The following COLEC10 variants were observed in gnomAD, a reference collection of about 807,000 sequenced individuals.
COLEC10 encodes the protein collectin-10.
COLEC10 carries 22 observed loss-of-function variants against 28.4 expected under a neutral mutation model. The observed-to-expected ratio is 0.78, with a 90% CI of 0.55 to 1.11. The LOEUF is 1.11. Ranked by LOEUF, COLEC10 falls within the 50% of genes least tolerant of loss-of-function variation. The probability of loss-of-function intolerance (pLI) is 0.00; values close to 1 mark genes in which losing one functional copy is unlikely to be tolerated. For missense variants in COLEC10, 361 were observed against 344.1 expected (o/e 1.05, Z -0.39); for synonymous variants, 125 against 116.1 (o/e 1.08, Z -0.49).
At chr8:118,962,259 C>T in the COLEC10 span, among the ~76,000 whole-genome samples, 1 of 152,208 alleles carries the variant, frequency 6.6e-6, no homozygotes, top group African/African-American at 2.4e-5. Context: ...ATTCTATAGA[C>T]TATTCCTGTG....
the COLEC10 span, among the ~76,000 whole-genome samples, chr8:118,961,647 G>C: frequency 7.2e-5 from 11 of 152,204 alleles, no homozygotes; most frequent in Non-Finnish European, 1.3e-4. Flanking sequence ...GGAGCAGGGA[G>C]AGTCTGACAC....
chr8:119,090,770 A>C (rs1194440953), intron 2 of COLEC10, among the ~76,000 whole-genome samples: 1 of 152,182 alleles, frequency 6.6e-6, no homozygotes, highest in African/African-American at 2.4e-5. Context: ...TTTAAAAGAG[A>C]GAAGAAATAG....
chr8:119,019,060 A>G, intron 2 of COLEC10, among the ~76,000 whole-genome samples: 1 of 152,182 alleles, frequency 6.6e-6, no homozygotes, highest in East Asian at 1.9e-4. Flanking sequence ...AGTTACCCGC[A>G]TCCAACAACT....
At chr8:119,072,249 G>T (rs998531419) in intron 1 of COLEC10, among the ~76,000 whole-genome samples, 2 of 151,638 alleles carry the variant, frequency 1.3e-5, no homozygotes, top group African/African-American at 4.9e-5. Flanking sequence ...GGGGTGACAG[G>T]AGCAAGATTG....
At chr8:119,049,984 G>A (rs1814649426) in intron 2 of COLEC10, among the ~76,000 whole-genome samples, 1 of 152,132 alleles carries the variant, frequency 6.6e-6, no homozygotes, top group African/African-American at 2.4e-5. Flanking sequence ...TCAGACTGAA[G>A]TTGATTGCCT....
chr8:118,953,177 C>T, the COLEC10 span, among the ~76,000 whole-genome samples: 8 of 152,280 alleles, frequency 5.3e-5, no homozygotes, highest in East Asian at 1.9e-4. Context: ...TTACAGAAGA[C>T]GGGGTGTCAT....
intron 1 of COLEC10, among the ~76,000 whole-genome samples, chr8:119,081,698 T>A (rs16891967): frequency 0.069 from 10,462 of 152,250 alleles, 1,170 homozygotes; most frequent in African/African-American, 0.24. Context: ...ATAAATTAAA[T>A]GAGCCATTTA....
At chr8:118,972,996 T>C in the COLEC10 span, among the ~76,000 whole-genome samples, 1 of 151,950 alleles carries the variant, frequency 6.6e-6, no homozygotes, top group Admixed American at 6.6e-5. Flanking sequence ...GAGAACTCAC[T>C]ATCAGAACAG....
intron 1 of COLEC10, among the ~76,000 whole-genome samples, chr8:119,077,470 G>A (rs1167298659): frequency 6.6e-6 from 1 of 152,074 alleles, no homozygotes; most frequent in Non-Finnish European, 1.5e-5. Flanking sequence ...CTTTATTAAT[G>A]GGAAGATAAT....
At chr8:119,058,681 A>AT (rs550835246) in intron 2 of COLEC10, among the ~76,000 whole-genome samples, 98 of 152,010 alleles carry the variant, frequency 6.4e-4, no homozygotes, top group Admixed American at 1.2e-3. Context: ...GGATGTTTGT[A>AT]TTTTTTCAAT....
Position 118,995,616 on chromosome 8 carries a change from A to C in COLEC10, n.122+43A>C, listed in dbSNP as rs562056219. ...AATAACTCTGGGCTCCTGGTGCATG[A>C]AACAATTTGTTTTCTACCAGAGTCT... On this transcript the variant is annotated intron_variant and non_coding_transcript_variant, in intron 1 of 6. Transcript: ENST00000521788. 10 of 152,242 alleles carry C rather than the reference A, an allele frequency of 6.6e-5. No individual in the cohort carries two copies. The East Asian group carries it at 1.4e-3, about 21-fold the overall frequency. The allele number at this position is 152,242 out of a possible 1,614,324, so 9.4% of individuals were successfully genotyped here.
At chr8:118,968,501 A>G in the COLEC10 span, among the ~76,000 whole-genome samples, 1 of 151,980 alleles carries the variant, frequency 6.6e-6, no homozygotes, top group Non-Finnish European at 1.5e-5. Flanking sequence ...GGCACTTTCC[A>G]TAGTCTCTAG....
chr8:119,089,748 A>T lies in COLEC10; in HGVS notation c.217A>T (p.Lys73Ter). Reference sequence around the variant, plus strand: ...TGGCAAAGTGGGACGCATGGGGCCGAAAGGTAACTAAAATGATGTGAAACT... The same window carrying T: ...TGGCAAAGTGGGACGCATGGGGCCGTAAGGTAACTAAAATGATGTGAAACT... ...KHGKVGRMGPKGIKGELGDMG... is the reference protein window; with the variant it reads ...KHGKVGRMGP The change falls in exon 2 of 6, where the codon AAA becomes TAA. Residue 73 changes from lysine to a stop codon, truncating the protein, a stop_gained. Transcript: ENST00000332843. LOFTEE classifies it high-confidence loss of function. 6.2e-7 allele frequency: 1 copy of T among 1,612,226 alleles called. No individual in the cohort carries two copies.
chr8:118,986,733 T>C, the COLEC10 span, among the ~76,000 whole-genome samples: 32 of 152,280 alleles, frequency 2.1e-4, no homozygotes, highest in African/African-American at 7.5e-4. Flanking sequence ...ACTGATGCAT[T>C]CTACATTGTG....
chr8:119,081,471 C>T (rs1017856504), intron 1 of COLEC10, among the ~76,000 whole-genome samples: 16 of 151,946 alleles, frequency 1.1e-4, no homozygotes, highest in South Asian at 2.1e-4. Context: ...ATAAACTTTG[C>T]GTATTTATAT....
Position 119,106,418 on chromosome 8 carries a change from G to A in COLEC10, c.*227G>A, listed in dbSNP as rs1815945396. 1 of 451,228 alleles carries A rather than the reference G, an allele frequency of 2.2e-6. No individual in the cohort carries two copies. Among genetic ancestry groups the A allele is most frequent in the Non-Finnish European group, 4.0e-6 (1 of 250,084 alleles). 28.0% of individuals were successfully genotyped at this position (451,228 alleles called of 1,614,324 possible). On this transcript the variant is annotated 3_prime_UTR_variant, in exon 6 of 6. Coordinates refer to ENST00000332843, the MANE Select transcript of COLEC10 (RefSeq NM_006438.5). Reference sequence around the variant, plus strand: ...ACTCGCCAGGTTACATGGGTCTTGAGAGAGAATTTTAATTACTAATTGTGC... The same window carrying A: ...ACTCGCCAGGTTACATGGGTCTTGAAAGAGAATTTTAATTACTAATTGTGC...
At chr8:118,988,333 C>A in the COLEC10 span, among the ~76,000 whole-genome samples, 1 of 152,092 alleles carries the variant, frequency 6.6e-6, no homozygotes, top group Non-Finnish European at 1.5e-5. Context: ...ATGTGTCCAA[C>A]TCCTCTCTCT....
chr8:118,979,534 T>C, the COLEC10 span, among the ~76,000 whole-genome samples: 2 of 152,092 alleles, frequency 1.3e-5, no homozygotes, highest in African/African-American at 2.4e-5. Context: ...TCAGTTTTTT[T>C]TCAAATTACT....
rs72680402 is a variant in COLEC10, at chr8:119,014,007, A to G, written n.235+4454A>G. On this transcript the variant is annotated intron_variant and non_coding_transcript_variant, in intron 2 of 6. Coordinates refer to the COLEC10 transcript ENST00000521788. ...CCTTTTTTGTATTATTGCTCTCATT[A>G]ATATCACTCACACACAAACACACTC... Among the ~76,000 whole-genome samples, 40 of 150,830 alleles carry G rather than the reference A, an allele frequency of 2.7e-4. 1 individual carries two copies. Among genetic ancestry groups the G allele is most frequent in the Non-Finnish European group, 4.7e-4 (32 of 67,870 alleles).
Sources: allele counts gnomAD v4.1 joint callset (sites outside exome capture counted in the v4.1 genomes callset), GRCh38; gene constraint gnomAD v4.1.1; transcripts MANE v1.5; gene names NCBI Gene and HGNC (gene_info 2026-07-23, HGNC 2026-07-21).